RARB: variants seen among roughly 807,000 people sequenced by gnomAD.
The protein encoded by RARB is HBV-activated protein.
RARB carries 17 observed loss-of-function variants against 51.9 expected under a neutral mutation model. The observed-to-expected ratio is 0.33, with a 90% confidence interval of 0.22 to 0.49. The LOEUF (loss-of-function observed/expected upper bound fraction) is 0.49. Among genes scored for constraint, RARB ranks in the 20% least tolerant of loss-of-function variants. The pLI is 0.99. For synonymous variants in RARB, 215 were observed against 195.4 expected, an observed-to-expected ratio of 1.10 and a Z score of -0.84; for missense variants, 369 against 550.8, an observed-to-expected ratio of 0.67 and a Z score of 3.30.
At chr3:25,537,398 C>CT (rs1265032213) in intron 3 of RARB, among the ~76,000 whole-genome samples, 1 of 152,166 alleles carries the variant, frequency 6.6e-6, no homozygotes, top group African/African-American at 2.4e-5. Context: ...TTTGAATAGG[C>CT]CCCGAATGTG....
rs78227199 is a variant in RARB at position 25,111,031 on chromosome 3, C to G, written c.-327-21130C>G. Among the ~76,000 whole-genome samples the G allele has an allele frequency of 4.8e-3, 727 of 152,280 alleles. 13 individuals carry two copies. Among genetic ancestry groups the G allele is most frequent in the South Asian group, 0.046 (222 of 4,830 alleles). On this transcript the variant is annotated intron_variant, in intron 3 of 11. Transcript: ENST00000383772. ...GGGAGATATTTCTAACATCTTGGCTCTCTTTCCAGCCTCTTGAGTCTTTCT... is the reference window on the plus strand; with the variant it reads ...GGGAGATATTTCTAACATCTTGGCTGTCTTTCCAGCCTCTTGAGTCTTTCT...
At chr3:24,855,328 T>A (rs1702617455) in intron 1 of RARB, among the ~76,000 whole-genome samples, 1 of 152,154 alleles carries the variant, frequency 6.6e-6, no homozygotes, top group Non-Finnish European at 1.5e-5. Context: ...GTCTGGTGGG[T>A]TCAGAGGGCA....
At chr3:25,418,944 C>CAA (rs36025962) in intron 5 of RARB, among the ~76,000 whole-genome samples, 6,817 of 108,512 alleles carry the variant, frequency 0.063, 166 homozygotes, top group Middle Eastern at 0.15. Flanking sequence ...ACAGACTAAC[C>CAA]AAAAAAAAAA....
intron 3 of RARB, among the ~76,000 whole-genome samples, chr3:25,068,877 A>G (rs899640279): frequency 6.6e-5 from 10 of 152,162 alleles, no homozygotes; most frequent in East Asian, 3.9e-4. Flanking sequence ...GAGCCTATCA[A>G]TCAGCCACAT....
At chr3:25,329,268 C>A (rs1051596702) in intron 5 of RARB, among the ~76,000 whole-genome samples, 1 of 152,132 alleles carries the variant, frequency 6.6e-6, no homozygotes, top group African/African-American at 2.4e-5. Flanking sequence ...CGGGGAGGCA[C>A]CACCCAGTAG....
intron 5 of RARB, among the ~76,000 whole-genome samples, chr3:25,212,082 C>T (rs906054020): frequency 3.9e-5 from 6 of 152,160 alleles, no homozygotes; most frequent in South Asian, 2.1e-4. Flanking sequence ...TTGTCATTTT[C>T]TTCTAATAAG....
At chr3:25,200,417 C>G (rs1331887281) in intron 5 of RARB, among the ~76,000 whole-genome samples, 2 of 152,036 alleles carry the variant, frequency 1.3e-5, no homozygotes, top group South Asian at 2.1e-4. Flanking sequence ...ATGGTAGTTT[C>G]TTTTGCTGTG....
intron 5 of RARB, chr3:25,352,287 A>G (rs1442269543): frequency 1.3e-5 from 2 of 152,162 alleles, no homozygotes; most frequent in Admixed American, 1.3e-4. Context: ...TAGGAGAGGA[A>G]AACAATCTCA....
intron 5 of RARB, among the ~76,000 whole-genome samples, chr3:25,189,903 A>C (rs1428340435): frequency 3.3e-5 from 5 of 152,108 alleles, no homozygotes; most frequent in Non-Finnish European, 5.9e-5. Flanking sequence ...ACAGGAAAGA[A>C]AGAAAATCCT....
At chr3:25,457,038 A>G (rs765134154) in intron 1 of RARB, among the ~76,000 whole-genome samples, 7 of 151,912 alleles carry the variant, frequency 4.6e-5, no homozygotes, top group Admixed American at 1.3e-4. Context: ...AATACTTTTT[A>G]TTATTTTTAT....
intron 5 of RARB, among the ~76,000 whole-genome samples, chr3:25,345,521 C>T (rs763081200): frequency 6.6e-6 from 1 of 151,684 alleles, no homozygotes; most frequent in Non-Finnish European, 1.5e-5. Flanking sequence ...AAAAATTAGC[C>T]GGGTGTGGTG....
At chr3:25,217,134 T>G (rs139869798) in intron 5 of RARB, among the ~76,000 whole-genome samples, 1 of 152,206 alleles carries the variant, frequency 6.6e-6, no homozygotes, top group South Asian at 2.1e-4. Flanking sequence ...ATTTTATTCT[T>G]CATTACTTTA....
intron 1 of RARB, among the ~76,000 whole-genome samples, chr3:24,856,436 T>C (rs1702637687): frequency 6.6e-6 from 1 of 152,222 alleles, no homozygotes; most frequent in African/African-American, 2.4e-5. Flanking sequence ...ACCATGGTTA[T>C]GTTGAAATTA....
chr3:25,236,673 G>T (rs961959733), intron 5 of RARB, among the ~76,000 whole-genome samples: 23 of 151,978 alleles, frequency 1.5e-4, no homozygotes, highest in African/African-American at 5.1e-4. Flanking sequence ...GTGTAACAAT[G>T]AAAATAAATG....
chr3:24,842,526 C>T (rs1702431981), intron 1 of RARB, among the ~76,000 whole-genome samples: 1 of 152,066 alleles, frequency 6.6e-6, no homozygotes, highest in Non-Finnish European at 1.5e-5. Flanking sequence ...TATATTAAAT[C>T]CTTTTCTATT....
chr3:25,107,249 A>C (rs918367357), intron 3 of RARB, among the ~76,000 whole-genome samples: 1 of 152,160 alleles, frequency 6.6e-6, no homozygotes, highest in African/African-American at 2.4e-5. Flanking sequence ...CAGTACTTCT[A>C]TCAGTTATCT....
rs546285611 is a variant in RARB at position 25,087,610 on chromosome 3, C to A, written c.-328+27434C>A. On this transcript the variant is annotated intron_variant, in intron 3 of 11. Coordinates refer to the RARB transcript ENST00000383772. ...TAAATCAGATAATACACATAAATTA[C>A]TTTGAAGAATACCTGGCACATAGTA... is the stretch of plus-strand genomic sequence containing the variant. 1.4e-4 allele frequency among the ~76,000 whole-genome samples: 21 copies of A among 152,208 alleles called. 1 individual carries two copies. The South Asian group carries it at 4.4e-3, about 32-fold the overall frequency.
intron 3 of RARB, among the ~76,000 whole-genome samples, chr3:25,118,529 C>A (rs138375358): frequency 6.6e-6 from 1 of 152,236 alleles, no homozygotes; most frequent in African/African-American, 2.4e-5. Flanking sequence ...ATAGGTGCAT[C>A]TTCTATTAGT....
At chr3:25,567,805 A>G (rs1408517526) in intron 3 of RARB, among the ~76,000 whole-genome samples, 1 of 152,162 alleles carries the variant, frequency 6.6e-6, no homozygotes, top group Admixed American at 6.5e-5. Flanking sequence ...GGCCATTGGC[A>G]GAGGCCGAGG....
Sources: gnomAD v4.1 joint callset for allele counts (sites outside exome capture counted in the v4.1 genomes callset) on GRCh38, gnomAD v4.1.1 for gene constraint, MANE v1.5 for transcripts, NCBI Gene and HGNC (gene_info 2026-07-23, HGNC 2026-07-21) for gene names.